Variants in GRID1 observed in about 807,000 individuals in gnomAD.
GRID1 encodes glutamate receptor ionotropic, delta-1.
GRID1 carries 28 observed loss-of-function variants against 98.0 expected under a neutral mutation model. The observed-to-expected ratio is 0.29, with a 90% CI of 0.21 to 0.39. GRID1 has a LOEUF of 0.39. Among genes scored for constraint, GRID1 ranks in the 10% least tolerant of loss-of-function variants. GRID1 has a pLI of 1.00. For synonymous variants in GRID1, 553 were observed against 538.5 expected, an observed-to-expected ratio of 1.03 and a Z score of -0.37; for missense variants, 1,111 against 1,340.5, an observed-to-expected ratio of 0.83 and a Z score of 2.67.
chr10:85,678,021 T>A (rs1000381125), intron 12 of GRID1, among the ~76,000 whole-genome samples: 3 of 152,134 alleles, frequency 2.0e-5, no homozygotes, highest in Non-Finnish European at 2.9e-5. Context: ...ATGCTGTATC[T>A]CATTCTTTAG....
chr10:85,715,638 A>G lies in GRID1; in HGVS notation c.1997+7365T>C, dbSNP rs545497372. Among the ~76,000 whole-genome samples the G allele has an allele frequency of 3.9e-5, 6 of 152,328 alleles. No homozygotes were observed. In the East Asian group the frequency reaches 1.2e-3, roughly 29 times the overall value. ...CAACATAACTAATCATCAGGGAAATACAAATGAAAACTACAATGAGGTATC... is the reference window on the plus strand; with the variant it reads ...CAACATAACTAATCATCAGGGAAATGCAAATGAAAACTACAATGAGGTATC... On this transcript the variant is annotated intron_variant, in intron 12 of 15. Transcript: ENST00000327946.
rs147287721 is a variant in GRID1, at chr10:85,927,572, G to A, written c.727-11333C>T. Among the ~76,000 whole-genome samples the A allele has an allele frequency of 2.6e-3, 387 of 150,906 alleles. 2 individuals are homozygous for A. Among genetic ancestry groups the A allele is most frequent in the Non-Finnish European group, 4.3e-3 (293 of 67,886 alleles). ...TACTGCACTTATATCTCCAGCTTGA[G>A]AATGACAAAGCATACTAAACAAACA... is the stretch of plus-strand genomic sequence containing the variant. On this transcript the variant is annotated intron_variant, in intron 4 of 15. Transcript: ENST00000327946.
Position 86,046,619 on chromosome 10 carries a change from A to G in GRID1, c.726+92200T>C, listed in dbSNP as rs1241535251. Among the ~76,000 whole-genome samples, 21 of 152,300 alleles carry G rather than the reference A, an allele frequency of 1.4e-4. No individual in the cohort carries two copies. The South Asian group carries it at 3.7e-3, about 27-fold the overall frequency. On this transcript the variant is annotated intron_variant, in intron 4 of 15. Coordinates refer to ENST00000327946, the MANE Select transcript of GRID1 (RefSeq NM_017551.3). ...CCCCCCATGAGTTGGTCTAATAAAG[A>G]TTGGATATAACAGTTAACCCTAGAT... is the stretch of plus-strand genomic sequence containing the variant.
intron 2 of GRID1, among the ~76,000 whole-genome samples, chr10:86,341,557 C>G (rs1024110756): frequency 1.3e-5 from 2 of 152,254 alleles, no homozygotes; most frequent in African/African-American, 4.8e-5. Flanking sequence ...CACTCCCTCT[C>G]CTGCGGCTCC....
At position 86,206,503 on chromosome 10, in the gene GRID1, T is replaced by A. The variant is rs1043936807; in HGVS notation, c.381A>T (p.Ala127=). 2 of 1,614,106 alleles carry A rather than the reference T, an allele frequency of 1.2e-6. No homozygotes were observed. The highest frequency in any genetic ancestry group is 1.3e-5 in the African/African-American group (1 of 74,940). Residue 127 remains alanine, a synonymous_variant, in exon 3 of 16, where the codon GCA becomes GCT. Coordinates refer to ENST00000327946, the MANE Select transcript of GRID1 (RefSeq NM_017551.3). The surrounding 1 kb of genome is among the most constrained non-coding windows in gnomAD (Gnocchi z 4.1). ...QRNPGGSPRT[A]CHLNPSPDGE... ...CATCGGGGCTGGGGTTCAGGTGGCA[T>A]GCGGTGCGTGGCGACCCTCCCGGGT... is the stretch of plus-strand genomic sequence containing the variant.
chr10:85,626,425 T>TA (rs1391050496), intron 13 of GRID1, among the ~76,000 whole-genome samples: 1 of 152,218 alleles, frequency 6.6e-6, no homozygotes, highest in Non-Finnish European at 1.5e-5. Flanking sequence ...GGGACATTGC[T>TA]GGTGACAGAC....
chr10:86,290,298 T>C (rs930928472), intron 2 of GRID1, among the ~76,000 whole-genome samples: 2 of 152,208 alleles, frequency 1.3e-5, no homozygotes, highest in Admixed American at 6.5e-5. Flanking sequence ...CAGTGCCTCA[T>C]TCTGGCTGAG....
chr10:86,156,616 C>T (rs1589390906), intron 3 of GRID1, among the ~76,000 whole-genome samples: 1 of 152,294 alleles, frequency 6.6e-6, no homozygotes, highest in Non-Finnish European at 1.5e-5. Flanking sequence ...TAAGGTAGCT[C>T]AAGGTGAGTT....
At chr10:85,976,086 C>T (rs2131858088) in intron 4 of GRID1, among the ~76,000 whole-genome samples, 1 of 152,292 alleles carries the variant, frequency 6.6e-6, no homozygotes, top group African/African-American at 2.4e-5. Context: ...TGATGTGTGC[C>T]TTGTCTTTCT....
intron 4 of GRID1, among the ~76,000 whole-genome samples, chr10:85,991,245 G>A (rs1279972328): frequency 4.6e-5 from 7 of 152,234 alleles, no homozygotes; most frequent in East Asian, 3.9e-4. Flanking sequence ...GGGGAGATGT[G>A]GATGATTTCT....
chr10:86,253,639 G>A (rs118113965), intron 2 of GRID1, among the ~76,000 whole-genome samples: 6,181 of 152,246 alleles, frequency 0.041, 237 homozygotes, highest in Admixed American at 0.11. Context: ...CAGCATGGGA[G>A]GACAAGAAGG....
At chr10:85,789,358 C>T (rs891157277) in intron 8 of GRID1, among the ~76,000 whole-genome samples, 4 of 152,064 alleles carry the variant, frequency 2.6e-5, no homozygotes, top group African/African-American at 9.7e-5. Flanking sequence ...CCAGAGCAGC[C>T]GCAGTGTGGA....
At chr10:85,820,398 A>G (rs1842758889) in intron 8 of GRID1, among the ~76,000 whole-genome samples, 2 of 152,184 alleles carry the variant, frequency 1.3e-5, no homozygotes, top group African/African-American at 2.4e-5. Context: ...AAATCATAAT[A>G]AAGTCCATAG....
intron 8 of GRID1, among the ~76,000 whole-genome samples, chr10:85,800,675 G>A (rs1417763596): frequency 6.6e-6 from 1 of 151,920 alleles, no homozygotes; most frequent in Non-Finnish European, 1.5e-5. Flanking sequence ...AATATACAAG[G>A]AAGGAGATAA....
At chr10:85,648,395 A>G (rs1843224772) in intron 12 of GRID1, among the ~76,000 whole-genome samples, 1 of 152,210 alleles carries the variant, frequency 6.6e-6, no homozygotes, top group Admixed American at 6.5e-5. Flanking sequence ...CAAAATAAAA[A>G]AAGCCCAGTG....
chr10:86,193,700 C>G (rs1029589880), intron 3 of GRID1, among the ~76,000 whole-genome samples: 2 of 152,078 alleles, frequency 1.3e-5, no homozygotes, highest in African/African-American at 4.8e-5. Context: ...CTCACATCAG[C>G]CCATCCCCCA....
At chr10:85,712,330 G>T (rs1219110992) in intron 12 of GRID1, among the ~76,000 whole-genome samples, 1 of 151,684 alleles carries the variant, frequency 6.6e-6, no homozygotes, top group African/African-American at 2.4e-5. Flanking sequence ...CCATGCAAGT[G>T]GTGATAGAAT....
intron 3 of GRID1, among the ~76,000 whole-genome samples, chr10:86,145,956 A>G (rs1241692851): frequency 1.3e-5 from 2 of 152,214 alleles, no homozygotes; most frequent in African/African-American, 4.8e-5. Flanking sequence ...AGTTGGGGAA[A>G]TAATTTTTTC....
At chr10:85,646,117 T>TGTGA (rs1843186420) in intron 13 of GRID1, 1 of 152,816 alleles carries the variant, frequency 6.5e-6, no homozygotes, top group African/African-American at 2.4e-5. Context: ...GATGAGTGTG[T>TGTGA]GTGTGTGTGT....
Sources: allele counts gnomAD v4.1 joint callset (sites outside exome capture counted in the v4.1 genomes callset), GRCh38; gene constraint gnomAD v4.1.1; non-coding constraint Gnocchi (gnomAD v3.1); transcripts MANE v1.5; gene names NCBI Gene and HGNC (gene_info 2026-07-23, HGNC 2026-07-21).